The following SNAP29 variants were observed in gnomAD, a reference collection of about 807,000 sequenced individuals.
The protein encoded by SNAP29 is synaptosome associated protein 29.
In SNAP29, 13 loss-of-function variants were observed where a neutral mutation model predicts 27.9. That is an observed-to-expected ratio of 0.47 (90% CI 0.30 to 0.74). The LOEUF (loss-of-function observed/expected upper bound fraction) is 0.74. SNAP29 is among the 30% of genes least tolerant of loss of function. The probability of loss-of-function intolerance (pLI) is 0.06; values close to 1 mark genes in which losing one functional copy is unlikely to be tolerated. For synonymous variants in SNAP29, 119 were observed against 127.1 expected (o/e 0.94, Z 0.43); for missense variants, 368 against 336.5 (o/e 1.09, Z -0.73).
chr22:20,880,939 AG>A, intron 2 of SNAP29, 109 bp from the exon 3 acceptor site: 1 of 737,408 alleles, frequency 1.4e-6, no homozygotes, highest in Non-Finnish European at 2.4e-6. Context: ...TTTGGCACAG[AG>A]GAGGCATTTG....
rs987913914 is a variant in SNAP29 at position 20,887,995 on chromosome 22, G to A, written c.*159G>A. On this transcript the variant is annotated 3_prime_UTR_variant, in exon 5 of 5. Coordinates refer to ENST00000215730, the MANE Select transcript of SNAP29 (RefSeq NM_004782.4). ...AAGACATTTTTGCTGTTATAAGGAAGTGTTTGTCCCACATTTTCCTAGGGT... is the reference window on the plus strand; with the variant it reads ...AAGACATTTTTGCTGTTATAAGGAAATGTTTGTCCCACATTTTCCTAGGGT... 2 of 736,146 alleles carry A rather than the reference G, an allele frequency of 2.7e-6. No individual in the cohort carries two copies. Among genetic ancestry groups the A allele is most frequent in the Non-Finnish European group, 4.5e-6 (2 of 443,128 alleles). The allele number at this position is 736,146 out of a possible 1,614,324, so 45.6% of individuals were successfully genotyped here.
At position 20,864,888 on chromosome 22, in the gene SNAP29, C is replaced by G. The variant is rs567626844; in HGVS notation, c.238-5449C>G. The stretch of plus-strand genomic sequence containing the variant: ...GGAAAGAATGCATTGAGCTGTGTGC[C>G]TTGGTTGCAATGCCTGTCCTGTGAC... On this transcript the variant is annotated intron_variant, in intron 1 of 4. Coordinates refer to ENST00000215730, the MANE Select transcript of SNAP29 (RefSeq NM_004782.4). Among the ~76,000 whole-genome samples the G allele has an allele frequency of 2.6e-5, 4 of 152,306 alleles. No individual in the cohort carries two copies. The South Asian group carries it at 8.3e-4, about 32-fold the overall frequency.
chr22:20,870,571 GA>G, intron 2 of SNAP29, 38 bp downstream of exon 2: 1 of 1,587,646 alleles, frequency 6.3e-7, no homozygotes, highest in African/African-American at 1.3e-5. Flanking sequence ...TAAAGGAGCA[GA>G]AGTGGGGATT....
chr22:20,862,299 A>G (rs561689294), intron 1 of SNAP29, among the ~76,000 whole-genome samples: 40 of 152,346 alleles, frequency 2.6e-4, no homozygotes, highest in South Asian at 6.2e-4. Context: ...TAGGGAATCA[A>G]TGATTCAAAG....
In SNAP29 at chr22:20,859,255, G is replaced by A. The variant is rs2147855039; in HGVS notation, c.145G>A (p.Val49Ile). The A allele has an allele frequency of 1.9e-6, 3 of 1,605,632 alleles. No homozygotes were observed. Among genetic ancestry groups the A allele is most frequent in the African/African-American group, 1.3e-5 (1 of 74,994 alleles). ...ADRQQYLRQE[V>I]LRRAEATAAS... is the part of the protein sequence containing the mutation. ...CAGGCAGCAGTACTTGCGGCAGGAG[G>A]TCCTCCGCAGGGCTGAGGCCACGGC... Residue 49 changes from valine (V) to isoleucine (I), a missense_variant, in exon 1 of 5, where the codon GTC (valine) becomes ATC (isoleucine). Transcript: ENST00000215730.
At chr22:20,862,152 C>T (rs1928340465) in intron 1 of SNAP29, among the ~76,000 whole-genome samples, 1 of 152,156 alleles carries the variant, frequency 6.6e-6, no homozygotes, top group Non-Finnish European at 1.5e-5. Context: ...AATGGGAAGT[C>T]TTGGCTTAGA....
chr22:20,878,729 G>T (rs528576094), intron 2 of SNAP29, among the ~76,000 whole-genome samples: 33 of 152,328 alleles, frequency 2.2e-4, no homozygotes, highest in Admixed American at 1.1e-3. Flanking sequence ...TCCCAGATTG[G>T]CTGGCGAAGT....
At chr22:20,859,439 C>G in intron 1 of SNAP29, 92 bp downstream of exon 1, 4 of 964,564 alleles carry the variant, frequency 4.1e-6, no homozygotes, top group African/African-American at 1.6e-5. Flanking sequence ...TTTGAGAATT[C>G]TCAAGTTGCC....
chr22:20,859,345 G>C lies in SNAP29; in HGVS notation c.235G>C (p.Glu79Gln). The part of the protein sequence containing the change: ...ESEKVGVASS[E>Q]ELARQRGVLE... ...CGAGAAGGTTGGGGTCGCCTCTTCC[G>C]AGGTGAGCCTGGGGCAGGGCTGGTG... Residue 79 changes from glutamate (E) to glutamine (Q), a missense_variant and splice_region_variant, in exon 1 of 5, where the codon GAG (glutamate) becomes CAG (glutamine). Transcript: ENST00000215730. 1.2e-6 allele frequency: 2 copies of C among 1,606,836 alleles called. No individual in the cohort carries two copies. Among genetic ancestry groups the C allele is most frequent in the Non-Finnish European group, 1.7e-6 (2 of 1,173,546 alleles).
chr22:20,859,055 G>T lies in SNAP29; in HGVS notation c.-56G>T. The T allele has an allele frequency of 1.4e-6, 2 of 1,459,332 alleles. No homozygotes were observed. Among genetic ancestry groups the T allele is most frequent in the African/African-American group, 1.4e-5 (1 of 72,644 alleles). The allele number at this position is 1,459,332 out of a possible 1,614,324, so 90.4% of individuals were successfully genotyped here. On this transcript the variant is annotated 5_prime_UTR_variant, in exon 1 of 5. Coordinates refer to ENST00000215730, the MANE Select transcript of SNAP29 (RefSeq NM_004782.4). The stretch of plus-strand genomic sequence containing the variant: ...GGCGGGCGGGGCGAGGCCCTGGACG[G>T]CGGCGGCAGTGGGGCTCCTCCTTCT...
At chr22:20,882,697 A>C (rs1298850376) in intron 3 of SNAP29, among the ~76,000 whole-genome samples, 1 of 152,196 alleles carries the variant, frequency 6.6e-6, no homozygotes, top group Non-Finnish European at 1.5e-5. Flanking sequence ...AGGACACTGC[A>C]CCCAAGACAC....
At chr22:20,872,820 C>CCTT (rs1319405165) in intron 2 of SNAP29, among the ~76,000 whole-genome samples, 3 of 39,866 alleles carry the variant, frequency 7.5e-5, no homozygotes, top group African/African-American at 1.0e-4. Context: ...CCACGCCAGG[C>CCTT]TTTTTTTTTT....
chr22:20,884,032 A>C (rs1371223703), intron 4 of SNAP29, among the ~76,000 whole-genome samples: 1 of 152,114 alleles, frequency 6.6e-6, no homozygotes. Flanking sequence ...GATGTTTCAA[A>C]ACGGAAGGGT....
rs544471851 is a variant in SNAP29, at chr22:20,859,104, C to T, written c.-7C>T. On this transcript the variant is annotated 5_prime_UTR_variant, in exon 1 of 5. Coordinates refer to ENST00000215730, the MANE Select transcript of SNAP29 (RefSeq NM_004782.4). ...CTGTTTCCCAGACCGAGAGCCGCGC[C>T]GGCACCATGTCAGCTTACCCTAAAA... is the stretch of plus-strand genomic sequence containing the variant. The T allele has an allele frequency of 1.3e-5, 21 of 1,595,268 alleles. No individual in the cohort carries two copies. The South Asian group carries it at 1.3e-4, about 10-fold the overall frequency.
chr22:20,875,817 G>A, intron 2 of SNAP29, among the ~76,000 whole-genome samples: 1 of 151,814 alleles, frequency 6.6e-6, no homozygotes, highest in East Asian at 1.9e-4. Context: ...TTAAAGCTGG[G>A]CATGGTGATA....
chr22:20,872,953 C>G (rs532865428), intron 2 of SNAP29, among the ~76,000 whole-genome samples: 1 of 150,626 alleles, frequency 6.6e-6, no homozygotes, highest in Non-Finnish European at 1.5e-5. Flanking sequence ...CCTCAGCCTC[C>G]TGAGTAGCTG....
chr22:20,868,631 A>G (rs146151319), intron 1 of SNAP29, among the ~76,000 whole-genome samples: 56 of 152,234 alleles, frequency 3.7e-4, no homozygotes, highest in African/African-American at 1.3e-3. Context: ...ACATTTGCAT[A>G]GTTAGTGTAA....
At chr22:20,874,317 G>GACACACAC (rs368789277) in intron 2 of SNAP29, among the ~76,000 whole-genome samples, 14 of 118,116 alleles carry the variant, frequency 1.2e-4, no homozygotes, top group Admixed American at 1.1e-3. Context: ...GACACACACA[G>GACACACAC]ACACACACAC....
chr22:20,879,577 G>A (rs1569119637), intron 2 of SNAP29, among the ~76,000 whole-genome samples: 1 of 151,868 alleles, frequency 6.6e-6, no homozygotes, highest in Non-Finnish European at 1.5e-5. Flanking sequence ...CAAGCATGGT[G>A]GCTTATGCCT....
Sources: gnomAD v4.1 joint callset for allele counts (sites outside exome capture counted in the v4.1 genomes callset) on GRCh38, gnomAD v4.1.1 for gene constraint, MANE v1.5 for transcripts, NCBI Gene and HGNC (gene_info 2026-07-23, HGNC 2026-07-21) for gene names.